The following CLYBL variants were observed in gnomAD, a reference collection of about 807,000 sequenced individuals.
The protein encoded by CLYBL is citramalyl-CoA lyase.
Under a neutral mutation model 38.9 loss-of-function variants are expected in CLYBL, and 31 were observed. That is an observed-to-expected ratio of 0.80 (90% CI 0.60 to 1.08). The LOEUF is 1.08. Among genes scored for constraint, CLYBL ranks in the 50% least tolerant of loss-of-function variants. The pLI, the probability that CLYBL is intolerant of heterozygous loss-of-function variation, is 0.00. For missense variants in CLYBL, 434 were observed against 411.6 expected (o/e 1.05, Z -0.47); for synonymous variants, 171 against 158.6 (o/e 1.08, Z -0.59).
intron 1 of CLYBL, among the ~76,000 whole-genome samples, chr13:99,711,482 A>G (rs1363337604): frequency 1.5e-5 from 2 of 136,134 alleles, no homozygotes; most frequent in Non-Finnish European, 3.1e-5. Flanking sequence ...CAATCTCGGC[A>G]CGCAACCTCC....
At chr13:99,691,949 G>A (rs538787298) in intron 1 of CLYBL, among the ~76,000 whole-genome samples, 7 of 152,160 alleles carry the variant, frequency 4.6e-5, no homozygotes, top group Non-Finnish European at 7.4e-5. Context: ...CGGAGCTCCC[G>A]GTCCCTGAGT....
At chr13:99,894,146 G>T (rs1326376705), downstream of CLYBL, 1 of 152,228 alleles carries the variant, frequency 6.6e-6, no homozygotes, top group Non-Finnish European at 1.5e-5. Context: ...CAAAACTCTA[G>T]GAAGAAGATG....
chr13:99,807,216 A>G (rs1035896797), intron 2 of CLYBL, among the ~76,000 whole-genome samples: 1 of 152,210 alleles, frequency 6.6e-6, no homozygotes, highest in African/African-American at 2.4e-5. Context: ...AAGGGGCAGA[A>G]AGTCCGGTCC....
At chr13:99,694,210 C>T (rs1168893907) in intron 1 of CLYBL, among the ~76,000 whole-genome samples, 1 of 152,126 alleles carries the variant, frequency 6.6e-6, no homozygotes, top group Non-Finnish European at 1.5e-5. Flanking sequence ...GTGTGTCCTG[C>T]ACCCCCTACA....
At chr13:99,730,671 C>T (rs2048572817) in intron 1 of CLYBL, among the ~76,000 whole-genome samples, 1 of 152,142 alleles carries the variant, frequency 6.6e-6, no homozygotes, top group South Asian at 2.1e-4. Flanking sequence ...CCAGAGGGGA[C>T]CACGCCTGGA....
intron 1 of CLYBL, among the ~76,000 whole-genome samples, chr13:99,619,443 T>C (rs959730643): frequency 6.6e-6 from 1 of 152,244 alleles, no homozygotes; most frequent in Non-Finnish European, 1.5e-5. Context: ...TAATACTTTT[T>C]AAAATAGCAG....
chr13:99,684,529 G>A (rs544703311), intron 1 of CLYBL, among the ~76,000 whole-genome samples: 44 of 152,224 alleles, frequency 2.9e-4, no homozygotes, highest in South Asian at 1.5e-3. Flanking sequence ...TATGATTCTG[G>A]AAGGAAGGCA....
chr13:99,666,791 C>A, intron 1 of CLYBL, among the ~76,000 whole-genome samples: 1 of 152,106 alleles, frequency 6.6e-6, no homozygotes, highest in East Asian at 1.9e-4. Context: ...TCTACTGTCC[C>A]AAAAAGCCAC....
chr13:99,638,353 G>A (rs11843710), intron 1 of CLYBL, among the ~76,000 whole-genome samples: 2 of 152,148 alleles, frequency 1.3e-5, no homozygotes, highest in Non-Finnish European at 2.9e-5. Context: ...ATTCAGATGG[G>A]CTTCTCTTTT....
intron 7 of CLYBL, among the ~76,000 whole-genome samples, chr13:99,882,192 G>A (rs909937084): frequency 6.6e-6 from 1 of 152,034 alleles, no homozygotes; most frequent in Non-Finnish European, 1.5e-5. Context: ...GCCATACTTT[G>A]GGTTACAATG....
In CLYBL at chr13:99,645,371, G is replaced by T. The variant is rs9557272; in HGVS notation, c.62+38614G>T. 4.2e-4 allele frequency among the ~76,000 whole-genome samples: 63 copies of T among 151,764 alleles called. 2 individuals carry two copies. Among genetic ancestry groups the T allele is most frequent in the Admixed American group, 4.1e-3 (63 of 15,236 alleles). On this transcript the variant is annotated intron_variant, in intron 1 of 8. Transcript: ENST00000339105. ...AACTTAGCTGGGCGTGGTGGCGGGT[G>T]CCTGTAGTCCCAGCTACTTGGGAGG... is the stretch of plus-strand genomic sequence containing the variant.
intron 1 of CLYBL, among the ~76,000 whole-genome samples, chr13:99,679,735 T>G (rs1433736336): frequency 2.7e-5 from 4 of 147,296 alleles, no homozygotes; most frequent in African/African-American, 7.5e-5. Context: ...AAGGAGAGGG[T>G]GGGGGGGGAA....
At chr13:99,684,186 A>ATTTTTTTTTTTTTTTTTT (rs965852345) in intron 1 of CLYBL, among the ~76,000 whole-genome samples, 1 of 108,028 alleles carries the variant, frequency 9.3e-6, no homozygotes, top group African/African-American at 3.8e-5. Flanking sequence ...GGCATGTTTG[A>ATTTTTTTTTTTTTTTTTT]TTTTTTTTTT....
chr13:99,799,306 A>G (rs532382215), intron 2 of CLYBL, among the ~76,000 whole-genome samples: 25 of 152,204 alleles, frequency 1.6e-4, no homozygotes, highest in Admixed American at 1.5e-3. Context: ...AAAGATGGAT[A>G]TATCTCACAT....
At chr13:99,850,597 G>A (rs565496280) in intron 2 of CLYBL, among the ~76,000 whole-genome samples, 17 of 152,312 alleles carry the variant, frequency 1.1e-4, no homozygotes, top group Middle Eastern at 3.4e-3. Flanking sequence ...TGGTACAGCC[G>A]CTGTGGAAAA....
chr13:99,642,540 G>A (rs773329843), intron 1 of CLYBL, among the ~76,000 whole-genome samples: 5 of 141,178 alleles, frequency 3.5e-5, no homozygotes, highest in Non-Finnish European at 7.8e-5. Flanking sequence ...TCAGCTTCCC[G>A]AGTAGCTAAG....
chr13:99,656,381 A>G (rs1312829198), intron 1 of CLYBL, among the ~76,000 whole-genome samples: 4 of 152,176 alleles, frequency 2.6e-5, no homozygotes, highest in Non-Finnish European at 4.4e-5. Flanking sequence ...CCCATGAACT[A>G]GCCAAAGCTT....
At chr13:99,793,285 A>T (rs75365688) in intron 2 of CLYBL, among the ~76,000 whole-genome samples, 1,730 of 152,202 alleles carry the variant, frequency 0.011, 20 homozygotes, top group East Asian at 0.074. Context: ...ACTCCTCTTC[A>T]ATAGGGGTGT....
intron 1 of CLYBL, among the ~76,000 whole-genome samples, chr13:99,709,072 G>A (rs1419777415): frequency 1.3e-5 from 2 of 151,938 alleles, no homozygotes; most frequent in Non-Finnish European, 2.9e-5. Flanking sequence ...CAGCCTGGGC[G>A]GCAGAGCGAG....
Sources: gnomAD v4.1 joint callset for allele counts (sites outside exome capture counted in the v4.1 genomes callset) on GRCh38, gnomAD v4.1.1 for gene constraint, MANE v1.5 for transcripts, NCBI Gene and HGNC (gene_info 2026-07-23, HGNC 2026-07-21) for gene names.